The following ANKRD30BL variants were observed in gnomAD, a reference collection of about 807,000 sequenced individuals.
ANKRD30BL encodes putative ankyrin repeat domain-containing protein 30B-like.
In ANKRD30BL, 20 loss-of-function variants were observed where a neutral mutation model predicts 18.4. That is an observed-to-expected ratio of 1.09 (90% CI 0.77 to 1.58). The LOEUF (loss-of-function observed/expected upper bound fraction) is 1.58, where lower values mean the gene tolerates loss of function less well. Among genes scored for constraint, ANKRD30BL ranks in the 40% most tolerant of loss-of-function variants. The pLI is 0.00. For missense variants in ANKRD30BL, 224 were observed against 268.6 expected (o/e 0.83, Z 1.16); for synonymous variants, 72 against 100.9 (o/e 0.71, Z 1.72).
intron 1 of ANKRD30BL, among the ~76,000 whole-genome samples, chr2:132,222,213 G>T: frequency 6.8e-6 from 1 of 146,178 alleles, no homozygotes; most frequent in Admixed American, 6.8e-5. Context: ...GAGGGTGGTG[G>T]GGGGGTCAGC....
upstream of ANKRD30BL, among the ~76,000 whole-genome samples, chr2:132,166,177 ATAGT>A (rs1178076767): frequency 6.6e-6 from 1 of 152,190 alleles, no homozygotes; most frequent in African/African-American, 2.4e-5. Flanking sequence ...AAATAAATAC[ATAGT>A]TAGATTCAAT....
rs531034565 is a variant in ANKRD30BL at position 132,231,154 on chromosome 2, CTT to C, written n.441+26373_441+26374del. Among the ~76,000 whole-genome samples, 532 of 152,274 alleles carry C rather than the reference CTT, an allele frequency of 3.5e-3. 2 individuals carry two copies. The highest frequency in any genetic ancestry group is 0.013 in the African/African-American group (520 of 41,566). The stretch of plus-strand genomic sequence containing the variant: ...AGGCCTATGGTGGAAAAGGAAATAT[CTT>C]CACATAAAAACTACATAGAAGCATT... On this transcript the variant is annotated intron_variant and non_coding_transcript_variant, in intron 1 of 4. Coordinates refer to the ANKRD30BL transcript ENST00000470729.
At chr2:132,248,870 C>G (rs556852934) in intron 1 of ANKRD30BL, among the ~76,000 whole-genome samples, 44 of 152,156 alleles carry the variant, frequency 2.9e-4, no homozygotes, top group Admixed American at 1.0e-3. Flanking sequence ...ACTGCTCAAT[C>G]AAAAGAATGG....
intron 1 of ANKRD30BL, among the ~76,000 whole-genome samples, chr2:132,252,260 C>G (rs1471214867): frequency 6.6e-6 from 1 of 152,366 alleles, no homozygotes; most frequent in Admixed American, 6.5e-5. Flanking sequence ...GACATGCTAG[C>G]TTTGCTAAGT....
At chr2:132,196,141 CA>C (rs199876039) in intron 1 of ANKRD30BL, among the ~76,000 whole-genome samples, 9,782 of 87,356 alleles carry the variant, frequency 0.11, 336 homozygotes, top group South Asian at 0.19. Flanking sequence ...GAGTCCATCT[CA>C]AAAAAAAAAA....
At chr2:132,222,486 T>A (rs1679718767) in intron 1 of ANKRD30BL, among the ~76,000 whole-genome samples, 1 of 152,108 alleles carries the variant, frequency 6.6e-6, no homozygotes, top group Non-Finnish European at 1.5e-5. Context: ...TTTTGTTCTG[T>A]ACTGGGAAAA....
At chr2:132,216,233 G>A (rs1185309237) in intron 1 of ANKRD30BL, among the ~76,000 whole-genome samples, 2 of 151,856 alleles carry the variant, frequency 1.3e-5, no homozygotes, top group African/African-American at 4.8e-5. Context: ...TTTGTGATGT[G>A]TGCATTCATC....
chr2:132,160,870 C>G (rs1174408904), intron 1 of ANKRD30BL, among the ~76,000 whole-genome samples: 1 of 151,046 alleles, frequency 6.6e-6, no homozygotes, highest in African/African-American at 2.4e-5. Flanking sequence ...ACGTTGATAA[C>G]TTTATTTGGT....
chr2:132,203,879 G>A (rs1019863067), intron 1 of ANKRD30BL, among the ~76,000 whole-genome samples: 3 of 152,096 alleles, frequency 2.0e-5, no homozygotes, highest in Admixed American at 2.0e-4. Flanking sequence ...TTCTCTGATT[G>A]ATGTTTAGAT....
intron 1 of ANKRD30BL, among the ~76,000 whole-genome samples, chr2:132,215,990 G>A (rs142610700): frequency 3.9e-5 from 6 of 152,078 alleles, no homozygotes; most frequent in Admixed American, 2.0e-4. Flanking sequence ...GAATCTGCAA[G>A]TGGACATTTG....
At chr2:132,227,274 T>C (rs1679873128) in intron 1 of ANKRD30BL, among the ~76,000 whole-genome samples, 1 of 152,108 alleles carries the variant, frequency 6.6e-6, no homozygotes, top group Admixed American at 6.6e-5. Context: ...CTTCACAGAG[T>C]TGAAACTTTC....
intron 1 of ANKRD30BL, among the ~76,000 whole-genome samples, chr2:132,170,180 A>G (rs1688253295): frequency 6.6e-6 from 1 of 152,128 alleles, no homozygotes; most frequent in Admixed American, 6.5e-5. Context: ...CTGACTCTCC[A>G]TGCTTGTAGG....
chr2:132,243,398 A>T (rs1428078581), intron 1 of ANKRD30BL, among the ~76,000 whole-genome samples: 1 of 151,620 alleles, frequency 6.6e-6, no homozygotes, highest in East Asian at 1.9e-4. Flanking sequence ...ATATCTTCAC[A>T]TAAAAAGTAG....
chr2:132,252,092 A>T (rs1162389250), intron 1 of ANKRD30BL, among the ~76,000 whole-genome samples: 1 of 152,006 alleles, frequency 6.6e-6, no homozygotes, highest in African/African-American at 2.4e-5. Flanking sequence ...TATTACTCAT[A>T]TTATCTTTTA....
rs1680071941 is a variant in ANKRD30BL at position 132,233,318 on chromosome 2, C to A, written n.441+24211G>T. 2.0e-5 allele frequency among the ~76,000 whole-genome samples: 3 copies of A among 148,438 alleles called. No homozygotes were observed. In the Admixed American group the frequency reaches 2.0e-4, roughly 10 times the overall value. On this transcript the variant is annotated intron_variant and non_coding_transcript_variant, in intron 1 of 4. Transcript: ENST00000470729. ...CCAGCTAACATCATAATGACAGGATCAAATTCACACATAACAATATTAACT... is the reference window on the plus strand; with the variant it reads ...CCAGCTAACATCATAATGACAGGATAAAATTCACACATAACAATATTAACT...
At chr2:132,162,339 C>T (rs1205279883), upstream of ANKRD30BL, among the ~76,000 whole-genome samples, 3 of 152,172 alleles carry the variant, frequency 2.0e-5, no homozygotes, top group Non-Finnish European at 4.4e-5. Context: ...TCTCCTGCCA[C>T]GTGCCATGTT....
chr2:132,221,368 A>C (rs1263426123), intron 1 of ANKRD30BL, among the ~76,000 whole-genome samples: 1 of 63,430 alleles, frequency 1.6e-5, no homozygotes, highest in African/African-American at 6.6e-5. Context: ...GGGAGGGGGG[A>C]GGGGGGGTCA....
chr2:132,162,245 A>G (rs1688095325), upstream of ANKRD30BL, among the ~76,000 whole-genome samples: 1 of 152,078 alleles, frequency 6.6e-6, no homozygotes, highest in African/African-American at 2.4e-5. Context: ...GCAGCCAGGG[A>G]CCCATCCCTG....
chr2:132,232,104 A>T (rs1009431061), intron 1 of ANKRD30BL, among the ~76,000 whole-genome samples: 3 of 152,172 alleles, frequency 2.0e-5, no homozygotes, highest in African/African-American at 7.2e-5. Flanking sequence ...GGGTATTCCA[A>T]CAGACCTGCA....
Sources: allele counts gnomAD v4.1 joint callset (sites outside exome capture counted in the v4.1 genomes callset), GRCh38; gene constraint gnomAD v4.1.1; transcripts MANE v1.5; gene names NCBI Gene and HGNC (gene_info 2026-07-23, HGNC 2026-07-21).